Variants in DIP2C observed in about 807,000 individuals in gnomAD.
DIP2C encodes the protein disco-interacting protein 2 homolog C.
In DIP2C, 33 loss-of-function variants were observed where a neutral mutation model predicts 192.4. That is an observed-to-expected ratio of 0.17 (90% confidence interval 0.13 to 0.23). The LOEUF is 0.23. Ranked by LOEUF, DIP2C falls within the 10% of genes least tolerant of loss-of-function variation. The probability of loss-of-function intolerance (pLI) is 1.00; values close to 1 mark genes in which losing one functional copy is unlikely to be tolerated. For missense variants in DIP2C, 1,537 were observed against 2,110.1 expected, an observed-to-expected ratio of 0.73 and a Z score of 5.32; for synonymous variants, 979 against 864.1, an observed-to-expected ratio of 1.13 and a Z score of -2.33.
intron 3 of DIP2C, among the ~76,000 whole-genome samples, chr10:452,157 A>G (rs1305944374): frequency 1.3e-5 from 2 of 152,194 alleles, no homozygotes; most frequent in Non-Finnish European, 2.9e-5. Flanking sequence ...AGACAGCAAC[A>G]CAAACCAGTG....
At chr10:405,730 C>T (rs1315710507) in intron 9 of DIP2C, among the ~76,000 whole-genome samples, 1 of 152,214 alleles carries the variant, frequency 6.6e-6, no homozygotes, top group Non-Finnish European at 1.5e-5. Context: ...CCTAATTATT[C>T]ACACAGCAGG....
At chr10:407,515 C>T (rs934987181) in intron 9 of DIP2C, among the ~76,000 whole-genome samples, 6 of 152,140 alleles carry the variant, frequency 3.9e-5, no homozygotes, top group African/African-American at 1.2e-4. Context: ...TCACGTTTTT[C>T]GGAGAGGCTG....
chr10:418,990 C>A, intron 6 of DIP2C, 75 bp downstream of exon 6: 2 of 1,588,230 alleles, frequency 1.3e-6, no homozygotes, highest in East Asian at 2.2e-5. Context: ...GAAACACATC[C>A]AGTCATGGGC....
At position 390,350 on chromosome 10, in the gene DIP2C, C is replaced by T; in HGVS notation, c.1408G>A (p.Val470Ile). 6.2e-7 allele frequency: 1 copy of T among 1,613,970 alleles called. No individual in the cohort carries two copies. The highest frequency in any genetic ancestry group is 1.1e-5 in the South Asian group (1 of 91,062). The stretch of plus-strand genomic sequence containing the variant: ...TTGGAGAGATGTTTAGACTCTGTGA[C>T]AAACCACAGCAGCTTTGGCCAACCT... Reference protein sequence around the residue: ...FKGWPKLLWFVTESKHLSKPP... With the variant: ...FKGWPKLLWFITESKHLSKPP... Residue 470 changes from valine (V) to isoleucine (I), a missense_variant, in exon 12 of 37, where the codon GTC (valine) becomes ATC (isoleucine). Val to Ile is a conservative substitution (Grantham distance 29). Transcript: ENST00000280886.
chr10:359,697 G>A (rs983792459), intron 22 of DIP2C, among the ~76,000 whole-genome samples: 1 of 152,168 alleles, frequency 6.6e-6, no homozygotes, highest in African/African-American at 2.4e-5. Flanking sequence ...GCCCCTGCAC[G>A]ATCTCAGAAC....
chr10:532,391 T>A (rs983628263), intron 1 of DIP2C, among the ~76,000 whole-genome samples: 1 of 152,164 alleles, frequency 6.6e-6, no homozygotes, highest in Non-Finnish European at 1.5e-5. Context: ...TAACAGGTGG[T>A]CCCAGCAAAA....
chr10:585,121 T>C lies in DIP2C; in HGVS notation c.86-98591A>G, dbSNP rs147465136. ...GAAAGAGCCTTGGACACCATTCAAA[T>C]GGTAAGGAACAAGGGTACTTTTCCC... is the stretch of plus-strand genomic sequence containing the variant. On this transcript the variant is annotated intron_variant, in intron 1 of 36. Transcript: ENST00000280886. 1.9e-3 allele frequency among the ~76,000 whole-genome samples: 295 copies of C among 152,332 alleles called. 5 individuals are homozygous for C. In the East Asian group the frequency reaches 0.023, roughly 12 times the overall value.
intron 3 of DIP2C, among the ~76,000 whole-genome samples, chr10:444,986 GA>G (rs1968044436): frequency 6.6e-6 from 1 of 152,206 alleles, no homozygotes. Flanking sequence ...ACATTTTAAA[GA>G]AACTGCCACA....
intron 1 of DIP2C, among the ~76,000 whole-genome samples, chr10:646,499 C>T (rs532476578): frequency 3.9e-5 from 6 of 152,334 alleles, no homozygotes; most frequent in East Asian, 1.9e-4. Flanking sequence ...CTGCTCCTGC[C>T]GGCCTGCAGG....
chr10:486,302 T>C (rs1024904538), intron 2 of DIP2C, among the ~76,000 whole-genome samples, 157 bp downstream of exon 2: 1 of 152,234 alleles, frequency 6.6e-6, no homozygotes, highest in African/African-American at 2.4e-5. Flanking sequence ...ACACAGCACG[T>C]GTGATCACTC....
intron 32 of DIP2C, among the ~76,000 whole-genome samples, chr10:299,569 G>A (rs1176352231): frequency 1.3e-5 from 2 of 152,200 alleles, no homozygotes; most frequent in Non-Finnish European, 2.9e-5. Flanking sequence ...ACAGTCATGT[G>A]TTGGATATGT....
intron 22 of DIP2C, among the ~76,000 whole-genome samples, chr10:358,404 G>A (rs1224869499): frequency 6.7e-6 from 1 of 149,640 alleles, no homozygotes. Context: ...GATGTCGTGG[G>A]GTGGAGTCAG....
intron 1 of DIP2C, among the ~76,000 whole-genome samples, chr10:507,289 T>G (rs887533016): frequency 6.7e-6 from 1 of 149,220 alleles, no homozygotes; most frequent in Non-Finnish European, 1.5e-5. Flanking sequence ...ACGTATGAGG[T>G]TACAGACCTA....
At chr10:415,038 G>C (rs1965542030) in intron 7 of DIP2C, among the ~76,000 whole-genome samples, 1 of 151,276 alleles carries the variant, frequency 6.6e-6, no homozygotes, top group South Asian at 2.1e-4. Flanking sequence ...CACCGCACCT[G>C]GCCTGAGCTG....
intron 32 of DIP2C, among the ~76,000 whole-genome samples, chr10:304,097 C>T (rs542986770): frequency 5.3e-5 from 8 of 152,160 alleles, no homozygotes; most frequent in African/African-American, 1.4e-4. Flanking sequence ...TCTAAGATAA[C>T]GACATTAAAG....
chr10:677,830 A>G (rs1588752926), intron 1 of DIP2C, among the ~76,000 whole-genome samples: 1 of 152,332 alleles, frequency 6.6e-6, no homozygotes. Flanking sequence ...CAGTCCCCAC[A>G]ATCCCCCAGA....
intron 1 of DIP2C, among the ~76,000 whole-genome samples, chr10:511,988 G>A (rs1029618152): frequency 6.6e-6 from 1 of 152,236 alleles, no homozygotes; most frequent in Non-Finnish European, 1.5e-5. Context: ...GGAGGCCCTC[G>A]GTAAAAGCGT....
rs577986713 is a variant in DIP2C at position 592,020 on chromosome 10, G to A, written c.85+97474C>T. ...TCAAGTGTCATTTCACATTTCAAGC[G>A]AAGAAAACAGTGGTAGGGCATGAGG... is the stretch of plus-strand genomic sequence containing the variant. On this transcript the variant is annotated intron_variant, in intron 1 of 36. Coordinates refer to ENST00000280886, the MANE Select transcript of DIP2C (RefSeq NM_014974.3). Among the ~76,000 whole-genome samples, 28 of 152,322 alleles carry A rather than the reference G, an allele frequency of 1.8e-4. No individual in the cohort carries two copies. The South Asian group carries it at 5.0e-3, about 27-fold the overall frequency.
chr10:441,257 T>G (rs749945053), intron 3 of DIP2C: 1 of 398,604 alleles, frequency 2.5e-6, no homozygotes, highest in Admixed American at 4.3e-5. Flanking sequence ...GAGATTTGTC[T>G]TTTTAGGGTG....
Sources: gnomAD v4.1 joint callset for allele counts (sites outside exome capture counted in the v4.1 genomes callset) on GRCh38, gnomAD v4.1.1 for gene constraint, MANE v1.5 for transcripts, NCBI Gene and HGNC (gene_info 2026-07-23, HGNC 2026-07-21) for gene names.